Variants in CCDC57 observed in about 807,000 individuals in gnomAD.
CCDC57 encodes the protein coiled-coil domain-containing protein 57.
Under a neutral mutation model 118.9 loss-of-function variants are expected in CCDC57, and 118 were observed. The observed-to-expected ratio is 0.99, with a 90% confidence interval of 0.86 to 1.16. The LOEUF (loss-of-function observed/expected upper bound fraction) is 1.16. Among genes scored for constraint, CCDC57 ranks in the 50% most tolerant of loss-of-function variants. CCDC57 has a pLI of 0.00. For missense variants in CCDC57, 1,300 were observed against 1,320.7 expected (o/e 0.98, Z 0.24); for synonymous variants, 527 against 532.9 (o/e 0.99, Z 0.15).
At chr17:82,115,281 AGG>A in intron 19 of CCDC57, among the ~76,000 whole-genome samples, 1 of 58,564 alleles carries the variant, frequency 1.7e-5, no homozygotes, top group East Asian at 4.5e-4. Context: ...AGGGGGCAAG[AGG>A]GGGCAAGAGG....
intron 17 of CCDC57, among the ~76,000 whole-genome samples, chr17:82,130,094 C>T (rs894869115): frequency 6.6e-5 from 10 of 151,694 alleles, no homozygotes; most frequent in Admixed American, 3.9e-4. Flanking sequence ...TCAGCTACTA[C>T]GGAGGCTGAG....
intron 16 of CCDC57, among the ~76,000 whole-genome samples, chr17:82,143,474 ACACACAC>A (rs1246755646): frequency 6.2e-3 from 281 of 45,392 alleles, no homozygotes; most frequent in African/African-American, 0.02. Context: ...GTGCTCTTAC[ACACACAC>A]AGGCACACAC....
At chr17:82,185,506 C>G (rs2046817220) in intron 8 of CCDC57, among the ~76,000 whole-genome samples, 1 of 148,906 alleles carries the variant, frequency 6.7e-6, no homozygotes, top group East Asian at 2.0e-4. Context: ...GTAGTCCCAG[C>G]TACCTGGGAG....
intron 16 of CCDC57, among the ~76,000 whole-genome samples, chr17:82,141,177 ATTTTTT>A (rs56298520): frequency 0.46 from 56,063 of 121,118 alleles, 12,670 homozygotes; most frequent in East Asian, 0.86. Context: ...CGCCCGGCTA[ATTTTTT>A]TTTTTTTTTT....
At chr17:82,146,577 T>G (rs1344559013) in intron 16 of CCDC57, among the ~76,000 whole-genome samples, 4 of 152,152 alleles carry the variant, frequency 2.6e-5, no homozygotes, top group Non-Finnish European at 1.5e-5. Flanking sequence ...GAGGACGGCC[T>G]TCCCAAAAAG....
At chr17:82,186,344 G>A (rs116363120) in intron 8 of CCDC57, among the ~76,000 whole-genome samples, 1,627 of 152,240 alleles carry the variant, frequency 0.011, 24 homozygotes, top group African/African-American at 0.038. Context: ...AGACTGCAAC[G>A]GGGGGCCAAG....
In CCDC57 at chr17:82,124,786, A is replaced by G. The variant is rs554330584; in HGVS notation, c.2899+2906T>C. Among the ~76,000 whole-genome samples the G allele has an allele frequency of 3.9e-5, 6 of 152,160 alleles. No individual in the cohort carries two copies. The South Asian group carries it at 1.2e-3, about 32-fold the overall frequency. On this transcript the variant is annotated intron_variant, in intron 19 of 19. Coordinates refer to ENST00000665763, the Ensembl canonical transcript of CCDC57. ...ACTCCAGCCTCGGTGACAGAATGGG[A>G]CACTGTCTCTAAAAAGAGAAAAAGA...
rs115247093 is a variant in CCDC57 at position 82,129,358 on chromosome 17, A to G, written c.2578-761T>C. Among the ~76,000 whole-genome samples, 1,406 of 152,328 alleles carry G rather than the reference A, an allele frequency of 9.2e-3. 19 individuals carry two copies. Among genetic ancestry groups the G allele is most frequent in the African/African-American group, 0.032 (1,351 of 41,576 alleles). ...AACCCTAAGAACATGGAAAGGAAAC[A>G]TGGAGGAAAACAGAAAGGGAAATTC... On this transcript the variant is annotated intron_variant, in intron 17 of 19. Transcript: ENST00000665763.
chr17:82,165,399 G>C (rs1481962011), intron 13 of CCDC57, among the ~76,000 whole-genome samples: 3 of 152,016 alleles, frequency 2.0e-5, no homozygotes, highest in Non-Finnish European at 4.4e-5. Context: ...AGGGGCCTCG[G>C]ATCCCAGGGG....
At chr17:82,125,875 T>A (rs1227924472) in intron 19 of CCDC57, among the ~76,000 whole-genome samples, 1 of 152,134 alleles carries the variant, frequency 6.6e-6, no homozygotes, top group Non-Finnish European at 1.5e-5. Context: ...CGTCCGGATA[T>A]AGCTCCAAAA....
intron 16 of CCDC57, among the ~76,000 whole-genome samples, chr17:82,149,916 A>C (rs1394943593): frequency 5.7e-3 from 395 of 69,892 alleles, no homozygotes; most frequent in Middle Eastern, 0.012. Flanking sequence ...CACCCAGAAC[A>C]AGGCCCACAC....
At position 82,172,933 on chromosome 17, in the gene CCDC57, C is replaced by T. The variant is rs1005544366; in HGVS notation, c.1507-73G>A. On this transcript the variant is annotated intron_variant, in intron 11 of 19. Transcript: ENST00000665763. This position sits in a 1 kb window ranked among gnomAD's most constrained non-coding sequence, Gnocchi z 5.2. Reference sequence around the variant, plus strand: ...AGCTTGTCCTGACAGGCTGTGCCTCCGCTCTCCCCGCGCCCCTCTCGGGCC... The same window carrying T: ...AGCTTGTCCTGACAGGCTGTGCCTCTGCTCTCCCCGCGCCCCTCTCGGGCC... 14 of 1,361,808 alleles carry T rather than the reference C, an allele frequency of 1.0e-5. No individual in the cohort carries two copies. Among genetic ancestry groups the T allele is most frequent in the Admixed American group, 3.9e-5 (2 of 51,078 alleles). The allele number at this position is 1,361,808 out of a possible 1,614,324, so 84.4% of individuals were successfully genotyped here.
intron 4 of CCDC57, among the ~76,000 whole-genome samples, chr17:82,196,802 C>A (rs1295682771): frequency 6.6e-6 from 1 of 151,462 alleles, no homozygotes; most frequent in Non-Finnish European, 1.5e-5. Flanking sequence ...AGGACACCTG[C>A]AGAGACGCAG....
chr17:82,102,060 G>A lies in CCDC57; in HGVS notation c.2900-194C>T, dbSNP rs570775630. Among the ~76,000 whole-genome samples, 9 of 152,350 alleles carry A rather than the reference G, an allele frequency of 5.9e-5. 1 individual carries two copies. The highest frequency in any genetic ancestry group is 4.1e-4 in the South Asian group (2 of 4,828). On this transcript the variant is annotated intron_variant, in intron 19 of 19. Coordinates refer to ENST00000665763, the Ensembl canonical transcript of CCDC57. ...GGAGTGACCAGAGAGCTGTGGCCTCGCCTTGCTCAGTGGGTCCTGCTTGGC... is the reference window on the plus strand; with the variant it reads ...GGAGTGACCAGAGAGCTGTGGCCTCACCTTGCTCAGTGGGTCCTGCTTGGC...
chr17:82,168,700 GATTA>G (rs2044301655), intron 13 of CCDC57, among the ~76,000 whole-genome samples: 1 of 151,780 alleles, frequency 6.6e-6, no homozygotes, highest in East Asian at 1.9e-4. Flanking sequence ...AGCCCGAGTG[GATTA>G]ATTAATATCA....
chr17:82,195,325 C>T (rs1226049821), exon 5 of CCDC57: 8 of 1,601,106 alleles, frequency 5.0e-6, no homozygotes, highest in South Asian at 1.1e-5. Flanking sequence ...AATTCGTGCT[C>T]CCTCTTCCGC....
chr17:82,167,133 G>A (rs2044090838), intron 13 of CCDC57, among the ~76,000 whole-genome samples: 1 of 152,018 alleles, frequency 6.6e-6, no homozygotes, highest in African/African-American at 2.4e-5. Context: ...ACAGCCTCAG[G>A]GACCAGCAGG....
chr17:82,115,588 T>G (rs1234684033), intron 19 of CCDC57, among the ~76,000 whole-genome samples: 1 of 151,642 alleles, frequency 6.6e-6, no homozygotes, highest in Non-Finnish European at 1.5e-5. Flanking sequence ...TTGGGCAACA[T>G]AGTAAGACCC....
chr17:82,106,912 G>A (rs1207407969), intron 19 of CCDC57, among the ~76,000 whole-genome samples: 1 of 152,178 alleles, frequency 6.6e-6, no homozygotes, highest in Non-Finnish European at 1.5e-5. Context: ...ACAGCTCCAG[G>A]TGGGCACCCT....
Sources: allele counts gnomAD v4.1 joint callset (sites outside exome capture counted in the v4.1 genomes callset), GRCh38; gene constraint gnomAD v4.1.1; non-coding constraint Gnocchi (gnomAD v3.1); transcripts MANE v1.5; gene names NCBI Gene and HGNC (gene_info 2026-07-23, HGNC 2026-07-21).